The following POGZ variants were observed in gnomAD, a reference collection of about 807,000 sequenced individuals.
The protein encoded by POGZ is pogo transposable element with ZNF domain.
A neutral mutation model predicts 134.6 loss-of-function variants in POGZ; 17 were observed. That is an observed-to-expected ratio of 0.13 (90% CI 0.09 to 0.19). POGZ has a LOEUF of 0.19. Among genes scored for constraint, POGZ ranks in the 10% least tolerant of loss-of-function variants. The probability of loss-of-function intolerance (pLI) is 1.00; values close to 1 mark genes in which losing one functional copy is unlikely to be tolerated. For missense variants in POGZ, 1,306 were observed against 1,769.7 expected (o/e 0.74, Z 4.70); for synonymous variants, 693 against 657.1 (o/e 1.05, Z -0.84).
chr1:151,440,237 G>A (rs1318267353), intron 3 of POGZ, among the ~76,000 whole-genome samples: 3 of 147,628 alleles, frequency 2.0e-5, no homozygotes, highest in Non-Finnish European at 4.5e-5. Context: ...TATTTTTGTA[G>A]TACTAAAGCT....
At chr1:151,453,880 A>T (rs573948144) in intron 1 of POGZ, among the ~76,000 whole-genome samples, 1 of 152,356 alleles carries the variant, frequency 6.6e-6, no homozygotes, top group African/African-American at 2.4e-5. Flanking sequence ...AGACCTTTTA[A>T]AACAATATAC....
chr1:151,452,709 C>G (rs530942842), intron 1 of POGZ, among the ~76,000 whole-genome samples: 1 of 151,724 alleles, frequency 6.6e-6, no homozygotes, highest in African/African-American at 2.4e-5. Flanking sequence ...ACTAAAAATA[C>G]AAAAATTAGC....
At chr1:151,439,779 T>C (rs1660224243) in intron 3 of POGZ, among the ~76,000 whole-genome samples, 1 of 152,222 alleles carries the variant, frequency 6.6e-6, no homozygotes, top group Non-Finnish European at 1.5e-5. Flanking sequence ...CTGATCACAA[T>C]TCTTAAAAAC....
intron 10 of POGZ, among the ~76,000 whole-genome samples, chr1:151,412,813 T>C (rs1308011039): frequency 6.6e-6 from 1 of 152,160 alleles, no homozygotes; most frequent in Non-Finnish European, 1.5e-5. Flanking sequence ...GTCACTTCTC[T>C]ATACTTATAA....
chr1:151,428,421 A>C lies in POGZ; in HGVS notation c.569-8T>G. ...CAAACTGGGTACCTGGGGCTTTAAA[A>C]GAGAGACAAAGTACCAGATCTTGGT... On this transcript the variant is annotated splice_polypyrimidine_tract_variant and splice_region_variant and intron_variant, in intron 5 of 18. Transcript: ENST00000271715. 1 of 1,612,118 alleles carries C rather than the reference A, an allele frequency of 6.2e-7. No individual in the cohort carries two copies. Among genetic ancestry groups the C allele is most frequent in the African/African-American group, 1.3e-5 (1 of 75,016 alleles).
chr1:151,419,024 CAAAAAA>C (rs71090164), intron 10 of POGZ, among the ~76,000 whole-genome samples: 3 of 52,162 alleles, frequency 5.8e-5, no homozygotes, highest in African/African-American at 1.3e-4. Flanking sequence ...AGCTCTGTCT[CAAAAAA>C]AAAAAAAAAA....
chr1:151,407,977 A>G, intron 15 of POGZ, 123 bp downstream of exon 15: 1 of 716,582 alleles, frequency 1.4e-6, no homozygotes, highest in African/African-American at 1.9e-5. Context: ...ATGCTATTGC[A>G]CTCCAGCCTA....
At chr1:151,425,637 T>C (rs1481915487) in intron 7 of POGZ, among the ~76,000 whole-genome samples, 1 of 152,202 alleles carries the variant, frequency 6.6e-6, no homozygotes, top group Non-Finnish European at 1.5e-5. Context: ...TATTTCACTT[T>C]AACATAATGT....
At chr1:151,413,362 C>T (rs1571365582) in intron 10 of POGZ, among the ~76,000 whole-genome samples, 1 of 152,018 alleles carries the variant, frequency 6.6e-6, no homozygotes, top group Middle Eastern at 3.4e-3. Flanking sequence ...TCAAGCAATC[C>T]TTTTGTCAAT....
intron 10 of POGZ, among the ~76,000 whole-genome samples, chr1:151,416,415 C>T (rs1387142362): frequency 6.6e-6 from 1 of 151,826 alleles, no homozygotes; most frequent in Admixed American, 6.6e-5. Context: ...GGCAGGAGAA[C>T]TGCCTGAACC....
At chr1:151,429,838 G>A in intron 4 of POGZ, 127 bp from the exon 5 acceptor site, 2 of 476,706 alleles carry the variant, frequency 4.2e-6, no homozygotes, top group Non-Finnish European at 7.5e-6. Context: ...TAGAATTAGA[G>A]GTTTCAAATG....
rs1376886027 is a variant in POGZ, at chr1:151,408,836, G to T, written c.1927-8C>A. ...GTGATAAACATTTCTCTTCTGAAGT[G>T]GGGGAGGGAAAAAAAGAGACAAAAT... On this transcript the variant is annotated splice_region_variant and splice_polypyrimidine_tract_variant and intron_variant, in intron 12 of 18. Transcript: ENST00000271715. 29 of 1,536,558 alleles carry T rather than the reference G, an allele frequency of 1.9e-5. No individual in the cohort carries two copies. Among genetic ancestry groups the T allele is most frequent in the Non-Finnish European group, 2.5e-5 (28 of 1,132,290 alleles).
At chr1:151,448,794 G>A (rs990900171) in intron 1 of POGZ, among the ~76,000 whole-genome samples, 2 of 152,154 alleles carry the variant, frequency 1.3e-5, no homozygotes, top group Non-Finnish European at 1.5e-5. Flanking sequence ...AAGTCCAGGA[G>A]GTGGAGGCTG....
In POGZ at chr1:151,428,125, A is replaced by T. The variant is rs1402416027; in HGVS notation, c.857T>A (p.Leu286Gln). Residue 286 changes from leucine to glutamine, a missense_variant and splice_region_variant, in exon 6 of 19, where the codon CTA (leucine) becomes CAA (glutamine). Physicochemically the swap from Leu to Gln is moderately radical, Grantham distance 113. Coordinates refer to ENST00000271715, the MANE Select transcript of POGZ (RefSeq NM_015100.4). ...CATCTCCTCTTCCGAAGCCTTACCT[A>T]GCTTGGGATTCGTGGTCTGGTTTGA... ...GQSNQTTNPK[L>Q]APSFPSPPAV... 6.2e-7 allele frequency: 1 copy of T among 1,614,014 alleles called. No individual in the cohort carries two copies.
In POGZ at chr1:151,408,564, G is replaced by A. The variant is rs755065616; in HGVS notation, c.2079C>T (p.Ser693=). Residue 693 remains serine (S), a synonymous_variant, in exon 14 of 19, where the codon TCC becomes TCT. Coordinates refer to ENST00000271715, the MANE Select transcript of POGZ (RefSeq NM_015100.4). ...CAGGAACAGTTCGTGGCTGCCCTCGGGAAGCCCGGATTGTCACCTGAGAAC... is the reference window on the plus strand; with the variant it reads ...CAGGAACAGTTCGTGGCTGCCCTCGAGAAGCCCGGATTGTCACCTGAGAAC... ...KPGTKVTIRA[S]RGQPRTVPVS... 2 of 1,610,394 alleles carry A rather than the reference G, an allele frequency of 1.2e-6. No individual in the cohort carries two copies. Among genetic ancestry groups the A allele is most frequent in the Non-Finnish European group, 1.7e-6 (2 of 1,179,150 alleles).
At chr1:151,454,231 C>G (rs1662497932) in intron 1 of POGZ, among the ~76,000 whole-genome samples, 1 of 152,154 alleles carries the variant, frequency 6.6e-6, no homozygotes, top group Non-Finnish European at 1.5e-5. Flanking sequence ...TTTAAGAATA[C>G]CACTTTCTTG....
At chr1:151,409,368 A>G (rs1321213220) in intron 12 of POGZ, among the ~76,000 whole-genome samples, 3 of 149,014 alleles carry the variant, frequency 2.0e-5, no homozygotes, top group Non-Finnish European at 4.5e-5. Context: ...ATATCCAATC[A>G]TTACCTGCCT....
At chr1:151,425,107 G>A (rs1475725028) in intron 7 of POGZ, 46 bp from the exon 8 acceptor site, 1 of 1,005,392 alleles carries the variant, frequency 9.9e-7, no homozygotes, top group African/African-American at 1.6e-5. Flanking sequence ...AATGACACTG[G>A]AAAAAGATTA....
In POGZ at chr1:151,404,683, T is replaced by C; in HGVS notation, c.*119A>G. On this transcript the variant is annotated 3_prime_UTR_variant, in exon 19 of 19. Transcript: ENST00000271715. Reference sequence around the variant, plus strand: ...AGTCAACTTCAGGGGGGAGTGGTGGTATAAAATTAAAAAATAGAAACCAAA... The same window carrying C: ...AGTCAACTTCAGGGGGGAGTGGTGGCATAAAATTAAAAAATAGAAACCAAA... 7.0e-7 allele frequency: 1 copy of C among 1,421,250 alleles called. No homozygotes were observed. The highest frequency in any genetic ancestry group is 2.5e-5 in the East Asian group (1 of 39,630). The allele number at this position is 1,421,250 out of a possible 1,614,324, so 88.0% of individuals were successfully genotyped here.
Sources: gnomAD v4.1 joint callset for allele counts (sites outside exome capture counted in the v4.1 genomes callset) on GRCh38, gnomAD v4.1.1 for gene constraint, MANE v1.5 for transcripts, NCBI Gene and HGNC (gene_info 2026-07-23, HGNC 2026-07-21) for gene names.